BCHE: variants seen among roughly 807,000 people sequenced by gnomAD.
BCHE encodes the protein cholinesterase.
A neutral mutation model predicts 51.3 loss-of-function variants in BCHE; 48 were observed. The observed-to-expected ratio is 0.94, with a 90% CI of 0.74 to 1.19. The LOEUF (loss-of-function observed/expected upper bound fraction) is 1.19. BCHE is among the 50% of genes most tolerant of loss of function. The pLI is 0.00. For missense variants in BCHE, 847 were observed against 708.2 expected (o/e 1.20, Z -2.23); for synonymous variants, 251 against 238.0 (o/e 1.05, Z -0.50).
intron 2 of BCHE, among the ~76,000 whole-genome samples, chr3:165,794,787 C>T (rs1161931015): frequency 3.3e-5 from 5 of 152,104 alleles, no homozygotes; most frequent in South Asian, 2.1e-4. Context: ...TGTGTGTTTG[C>T]ATCTCTGTAT....
intron 2 of BCHE, among the ~76,000 whole-genome samples, chr3:165,809,544 T>A (rs1430872601): frequency 6.6e-6 from 1 of 152,160 alleles, no homozygotes; most frequent in Non-Finnish European, 1.5e-5. Flanking sequence ...TTTCTCACTA[T>A]GTATATGTCT....
intron 3 of BCHE, among the ~76,000 whole-genome samples, chr3:165,774,313 T>C (rs533963837): frequency 6.6e-6 from 1 of 152,096 alleles, no homozygotes; most frequent in Non-Finnish European, 1.5e-5. Flanking sequence ...TTACCCTTAT[T>C]ATAATACAAT....
intron 2 of BCHE, among the ~76,000 whole-genome samples, chr3:165,790,363 A>G (rs1713121015): frequency 6.6e-6 from 1 of 152,230 alleles, no homozygotes; most frequent in Non-Finnish European, 1.5e-5. Context: ...TGAAGATAAT[A>G]GATCTCTGAG....
chr3:165,777,687 C>T (rs1008846737), intron 3 of BCHE: 3 of 408,800 alleles, frequency 7.3e-6, no homozygotes, highest in Non-Finnish European at 1.5e-5. Context: ...CCTTGAACAA[C>T]ATGAGTCTGA....
intron 2 of BCHE, among the ~76,000 whole-genome samples, chr3:165,814,279 AAAT>A (rs1197176858): frequency 4.6e-5 from 7 of 152,078 alleles, no homozygotes; most frequent in African/African-American, 1.7e-4. Flanking sequence ...ATATGATTCA[AAAT>A]TTTTATGACT....
intron 2 of BCHE, among the ~76,000 whole-genome samples, chr3:165,817,796 C>A (rs1301659998): frequency 1.3e-5 from 2 of 151,928 alleles, no homozygotes; most frequent in Non-Finnish European, 2.9e-5. Context: ...ATGCATCAAG[C>A]ATTATTGAGG....
intron 1 of BCHE, among the ~76,000 whole-genome samples, chr3:165,836,454 T>C (rs913622290): frequency 3.3e-5 from 5 of 151,864 alleles, no homozygotes; most frequent in African/African-American, 1.2e-4. Context: ...GAAGACATAC[T>C]CATAAAATAA....
At chr3:165,787,400 C>T (rs963330136) in intron 2 of BCHE, among the ~76,000 whole-genome samples, 5 of 151,728 alleles carry the variant, frequency 3.3e-5, no homozygotes, top group South Asian at 2.1e-4. Context: ...CAAAGTTTTC[C>T]TCAGGGAATT....
intron 2 of BCHE, among the ~76,000 whole-genome samples, chr3:165,788,687 T>C (rs1713056107): frequency 6.6e-6 from 1 of 152,120 alleles, no homozygotes; most frequent in Non-Finnish European, 1.5e-5. Flanking sequence ...AACTGCGCAT[T>C]CATTTCTGTC....
intron 2 of BCHE, among the ~76,000 whole-genome samples, chr3:165,805,803 T>A (rs1288373725): frequency 6.6e-6 from 1 of 152,176 alleles, no homozygotes; most frequent in Non-Finnish European, 1.5e-5. Context: ...CGACATACGT[T>A]CTTAACTCAT....
chr3:165,779,138 C>G (rs35346450), intron 3 of BCHE, among the ~76,000 whole-genome samples: 1 of 152,128 alleles, frequency 6.6e-6, no homozygotes, highest in East Asian at 1.9e-4. Context: ...TCTCGTACTA[C>G]GGATGCAAGT....
At chr3:165,827,267 C>G (rs73877743) in intron 2 of BCHE, among the ~76,000 whole-genome samples, 1 of 152,060 alleles carries the variant, frequency 6.6e-6, no homozygotes, top group East Asian at 1.9e-4. Flanking sequence ...TTCAACTGTG[C>G]AAATATCGTC....
intron 2 of BCHE, among the ~76,000 whole-genome samples, chr3:165,802,538 AC>A (rs1486238499): frequency 6.6e-6 from 1 of 151,940 alleles, no homozygotes; most frequent in African/African-American, 2.4e-5. Context: ...TGAAAATGAG[AC>A]CTAAGTTACT....
intron 2 of BCHE, among the ~76,000 whole-genome samples, chr3:165,825,921 T>G (rs9825995): frequency 0.95 from 144,125 of 152,212 alleles, 68,302 homozygotes; most frequent in Non-Finnish European, 0.97. Flanking sequence ...ATCCATCAGA[T>G]AGAAACAAAG....
chr3:165,830,407 AT>A lies in BCHE; in HGVS notation c.626del (p.Asn209IlefsTer2). The A allele has an allele frequency of 6.2e-7, 1 of 1,613,892 alleles. No homozygotes were observed. The highest frequency in any genetic ancestry group is 2.2e-5 in the East Asian group (1 of 44,864). On this transcript the variant is annotated frameshift_variant, in exon 2 of 4. Transcript: ENST00000264381. LOFTEE classifies it high-confidence loss of function. Reference sequence around the variant, plus strand: ...TAGGATTTCCACCAAAGGCTGCTATATTTTTTTGAACCCACTGAAGAGCCAA... The same window carrying A: ...TAGGATTTCCACCAAAGGCTGCTATATTTTTTGAACCCACTGAAGAGCCAA... ...QQLALQWVQK[N>X]IAAFGGNPKS...
At chr3:165,810,999 GT>G (rs1185204562) in intron 2 of BCHE, among the ~76,000 whole-genome samples, 8 of 152,016 alleles carry the variant, frequency 5.3e-5, no homozygotes, top group African/African-American at 1.9e-4. Flanking sequence ...GGAGTTATAC[GT>G]TAAATTGACT....
Position 165,837,384 on chromosome 3 carries a change from GGAT to G in BCHE, c.-82_-80del. On this transcript the variant is annotated 5_prime_UTR_variant, in exon 1 of 4. Coordinates refer to ENST00000264381, the MANE Select transcript of BCHE (RefSeq NM_000055.4). ...TCATGTAATACTTCGGGGAAATGCA[GGAT>G]GCAGCTGCTGCTCCAGCCTGTAAAT... 1 of 1,289,786 alleles carries G rather than the reference GGAT, an allele frequency of 7.8e-7. No individual in the cohort carries two copies. Among genetic ancestry groups the G allele is most frequent in the Non-Finnish European group, 1.0e-6 (1 of 988,848 alleles). The allele number at this position is 1,289,786 out of a possible 1,614,324, so 79.9% of individuals were successfully genotyped here.
Position 165,830,632 on chromosome 3 carries a change from A to C in BCHE, c.402T>G (p.Asn134Lys), listed in dbSNP as rs1264403789. The change falls in exon 2 of 4, where the codon AAT becomes AAG. Residue 134 changes from asparagine to lysine, a missense_variant. Coordinates refer to ENST00000264381, the MANE Select transcript of BCHE (RefSeq NM_000055.4). ...NVWIPAPKPK[N>K]ATVLIWIYGG... ...CATAAATCCATATCAATACAGTGGC[A>C]TTTTTTGGTTTAGGTGCTGGAATCC... is the stretch of plus-strand genomic sequence containing the variant. 1 of 1,613,898 alleles carries C rather than the reference A, an allele frequency of 6.2e-7. No individual in the cohort carries two copies. Among genetic ancestry groups the C allele is most frequent in the Non-Finnish European group, 8.5e-7 (1 of 1,179,976 alleles).
chr3:165,778,732 A>G (rs1322569277), intron 3 of BCHE: 2 of 450,806 alleles, frequency 4.4e-6, no homozygotes, highest in Non-Finnish European at 9.0e-6. Flanking sequence ...GTAGCAGCAT[A>G]TAGGCTCTGT....
Sources: gnomAD v4.1 joint callset for allele counts (sites outside exome capture counted in the v4.1 genomes callset) on GRCh38, gnomAD v4.1.1 for gene constraint, MANE v1.5 for transcripts, NCBI Gene and HGNC (gene_info 2026-07-23, HGNC 2026-07-21) for gene names.